Variants in C22orf23 observed in about 807,000 individuals in gnomAD.
The protein encoded by C22orf23 is chromosome 22 open reading frame 23.
C22orf23 carries 30 observed loss-of-function variants against 29.7 expected under a neutral mutation model. The observed-to-expected ratio is 1.01, with a 90% confidence interval of 0.76 to 1.37. The LOEUF is 1.37. Among genes scored for constraint, C22orf23 ranks in the 40% most tolerant of loss-of-function variants. The pLI is 0.00. For synonymous variants in C22orf23, 90 were observed against 96.1 expected, an observed-to-expected ratio of 0.94 and a Z score of 0.37; for missense variants, 237 against 273.1, an observed-to-expected ratio of 0.87 and a Z score of 0.93.
intron 3 of C22orf23, 78 bp downstream of exon 3, chr22:37,951,382 C>T: frequency 7.7e-7 from 1 of 1,304,132 alleles, no homozygotes; most frequent in African/African-American, 1.5e-5. Context: ...GAGGTCCTCT[C>T]TCCCTTAACA....
chr22:37,944,644 T>C (rs1406753013), intron 5 of C22orf23, 127 bp from the exon 6 acceptor site: 15 of 781,002 alleles, frequency 1.9e-5, no homozygotes, highest in Non-Finnish European at 2.9e-5. Context: ...CTCACGCCTA[T>C]AATCCCAGCA....
intron 3 of C22orf23, among the ~76,000 whole-genome samples, chr22:37,950,342 C>T (rs1930940595): frequency 6.6e-6 from 1 of 151,786 alleles, no homozygotes; most frequent in Admixed American, 6.6e-5. Flanking sequence ...GAACTCTTGA[C>T]CTCAGGTGAT....
Position 37,944,173 on chromosome 22 carries a change from G to A in C22orf23, c.*2C>T. On this transcript the variant is annotated 3_prime_UTR_variant, in exon 7 of 7. Coordinates refer to ENST00000403305, the MANE Select transcript of C22orf23 (RefSeq NM_032561.5). ...GCTACCCTGCCCGTCTCTGGAGACA[G>A]ATTAAGTGGTGGCAAGACCCTTCCT... 1 of 1,613,778 alleles carries A rather than the reference G, an allele frequency of 6.2e-7. No individual in the cohort carries two copies. Among genetic ancestry groups the A allele is most frequent in the Middle Eastern group, 1.7e-4 (1 of 6,060 alleles).
chr22:37,953,625 C>T (rs1601857939), upstream of C22orf23: 4 of 785,706 alleles, frequency 5.1e-6, no homozygotes, highest in Non-Finnish European at 7.9e-6. Flanking sequence ...CACCAGTCAG[C>T]GCATGCGCAC....
At chr22:37,944,938 G>GTTGGCCC (rs1388532776) in intron 5 of C22orf23, 104 bp downstream of exon 5, 9 of 1,110,938 alleles carry the variant, frequency 8.1e-6, no homozygotes, top group African/African-American at 4.8e-5. Context: ...TTTCTCACTT[G>GTTGGCCC]TTGGCCCTTG....
chr22:37,950,298 G>T (rs140207177), intron 3 of C22orf23, among the ~76,000 whole-genome samples: 458 of 150,742 alleles, frequency 3.0e-3, no homozygotes, highest in Non-Finnish European at 5.6e-3. Flanking sequence ...TTGGCATAGA[G>T]ACAGGGTTTT....
chr22:37,945,218 C>G, intron 4 of C22orf23, 45 bp from the exon 5 acceptor site: 2 of 1,583,742 alleles, frequency 1.3e-6, no homozygotes, highest in Non-Finnish European at 1.7e-6. Context: ...GTAAAGGGTG[C>G]CCTTATTCAT....
chr22:37,951,359 G>GT (rs1404934491), intron 3 of C22orf23, 101 bp downstream of exon 3: 116 of 1,106,648 alleles, frequency 1.0e-4, no homozygotes, highest in South Asian at 2.2e-4. Flanking sequence ...GGCTGTCTTT[G>GT]TTTTTTTTAT....
At chr22:37,945,999 C>T (rs1930678217) in intron 4 of C22orf23, among the ~76,000 whole-genome samples, 1 of 151,874 alleles carries the variant, frequency 6.6e-6, no homozygotes, top group South Asian at 2.1e-4. Context: ...TAGCTCATGC[C>T]TGTAATCCCA....
intron 2 of C22orf23, 63 bp downstream of exon 2, chr22:37,952,984 T>C: frequency 8.3e-7 from 1 of 1,210,952 alleles, no homozygotes; most frequent in Non-Finnish European, 1.2e-6. Context: ...GTGGAAAAAT[T>C]GTCTTCCACG....
Position 37,943,874 on chromosome 22 carries a change from G to A in C22orf23, c.*301C>T. 2.3e-6 allele frequency: 1 copy of A among 443,792 alleles called. No homozygotes were observed. The highest frequency in any genetic ancestry group is 3.7e-5 in the East Asian group (1 of 27,264). The allele number at this position is 443,792 out of a possible 1,614,324, so 27.5% of individuals were successfully genotyped here. A position where few individuals can be genotyped will look rare whatever the true frequency, so the allele number is the denominator to read the frequency against. ...TGAATTCAGAAAACTAAATGAACAG[G>A]CCACAGGTCAGAAGTGGTGGGAAGC... On this transcript the variant is annotated 3_prime_UTR_variant, in exon 7 of 7. Transcript: ENST00000403305.
rs1484854192 is a variant in C22orf23, at chr22:37,944,130, T to C, written c.*45A>G. 6 of 1,567,960 alleles carry C rather than the reference T, an allele frequency of 3.8e-6. No homozygotes were observed. In the Admixed American group the frequency reaches 1.0e-4, roughly 26 times the overall value. On this transcript the variant is annotated 3_prime_UTR_variant, in exon 7 of 7. Transcript: ENST00000403305. The stretch of plus-strand genomic sequence containing the variant: ...GGCCCTGCCTGGCAGAGGAGTGGAC[T>C]CCAGTGGTCGAGCTTGGGCTACCCT...
chr22:37,951,501 A>G lies in C22orf23; in HGVS notation c.125T>C (p.Leu42Pro). 6.2e-7 allele frequency: 1 copy of G among 1,614,008 alleles called. No homozygotes were observed. The highest frequency in any genetic ancestry group is 8.5e-7 in the Non-Finnish European group (1 of 1,180,002). ...LLRVMMKESK[L>P]TNIQQRHIMD... is the part of the protein sequence containing the mutation. ...GATGTGGCGCTGCTGGATGTTCGTC[A>G]GTTTGGATTCCTTCATCATCACTGC... The change falls in exon 3 of 7, where the codon CTG becomes CCG. Residue 42 changes from leucine (L) to proline (P), a missense_variant. Physicochemically the swap from Leu to Pro is moderately conservative, Grantham distance 98. Transcript: ENST00000403305.
At position 37,944,012 on chromosome 22, in the gene C22orf23, T is replaced by TA; in HGVS notation, c.*162dup. The TA allele has an allele frequency of 1.5e-6, 1 of 681,950 alleles. No homozygotes were observed. Among genetic ancestry groups the TA allele is most frequent in the Non-Finnish European group, 2.6e-6 (1 of 379,856 alleles). 42.2% of individuals were successfully genotyped at this position (681,950 alleles called of 1,614,324 possible). A position where few individuals can be genotyped will look rare whatever the true frequency, so the allele number is the denominator to read the frequency against. ...TCCATCTGCATTCCGGGGCAGGGGC[T>TA]AGGCTGCTGAGTATGCCTTGGGGTA... On this transcript the variant is annotated 3_prime_UTR_variant, in exon 7 of 7. Transcript: ENST00000403305.
Position 37,944,371 on chromosome 22 carries a change from G to A in C22orf23, c.582+46C>T, listed in dbSNP as rs779439086. 5.6e-6 allele frequency: 9 copies of A among 1,613,362 alleles called. No homozygotes were observed. In the Admixed American group the frequency reaches 1.5e-4, roughly 27 times the overall value. On this transcript the variant is annotated intron_variant, in intron 6 of 6. Transcript: ENST00000403305. ...AGACCCTGTATTTCCATTCGCACTT[G>A]GCGCTGGGCCCTTCCCCTCCCCACT...
intron 1 of C22orf23, 63 bp downstream of exon 1, chr22:37,953,385 G>C (rs111777918): frequency 5.2e-6 from 3 of 575,472 alleles, no homozygotes; most frequent in Non-Finnish European, 9.3e-6. Context: ...TCGGGAGGGA[G>C]TGTTAACACA....
chr22:37,952,762 G>A (rs1490239122), intron 2 of C22orf23: 1 of 351,832 alleles, frequency 2.8e-6, no homozygotes. Context: ...TAGGAACCGG[G>A]CCGCACAGCA....
chr22:37,944,322 C>G, intron 6 of C22orf23, 76 bp from the exon 7 acceptor site: 1 of 1,613,582 alleles, frequency 6.2e-7, no homozygotes, highest in South Asian at 1.1e-5. Context: ...GAGCTAGAGC[C>G]TGACCCCTGA....
Position 37,944,518 on chromosome 22 carries a change from C to T in C22orf23, c.482-1G>A, listed in dbSNP as rs778474380. ...TTCCTCTCCTGGATTTCCTTCACCA[C>T]TGGACAGAGGAGAGGGCTGTCAGGT... On this transcript the variant is annotated splice_acceptor_variant, in intron 5 of 6. Transcript: ENST00000403305. LOFTEE classifies it high-confidence loss of function. 13 of 1,613,606 alleles carry T rather than the reference C, an allele frequency of 8.1e-6. No homozygotes were observed. The highest frequency in any genetic ancestry group is 1.1e-5 in the Non-Finnish European group (13 of 1,179,756).
Sources: gnomAD v4.1 joint callset for allele counts (sites outside exome capture counted in the v4.1 genomes callset) on GRCh38, gnomAD v4.1.1 for gene constraint, MANE v1.5 for transcripts, NCBI Gene and HGNC (gene_info 2026-07-23, HGNC 2026-07-21) for gene names.